Variants in GLIS3 observed in about 807,000 individuals in gnomAD.
GLIS3 encodes zinc finger protein GLIS3.
GLIS3 carries 53 observed loss-of-function variants against 78.6 expected under a neutral mutation model. That is an observed-to-expected ratio of 0.67 (90% CI 0.54 to 0.85). The LOEUF is 0.85. GLIS3 is among the 40% of genes least tolerant of loss of function. The probability of loss-of-function intolerance (pLI) is 0.00; values close to 1 mark genes in which losing one functional copy is unlikely to be tolerated. For missense variants in GLIS3, 1,703 were observed against 1,231.1 expected, an observed-to-expected ratio of 1.38 and a Z score of -5.74; for synonymous variants, 684 against 509.9, an observed-to-expected ratio of 1.34 and a Z score of -4.60.
At chr9:4,189,005 G>A (rs1818072996) in intron 2 of GLIS3, among the ~76,000 whole-genome samples, 2 of 151,946 alleles carry the variant, frequency 1.3e-5, no homozygotes, top group Admixed American at 6.6e-5. Context: ...CTTCAGTTCT[G>A]CTCTGATTTT....
At chr9:4,381,951 T>G in the GLIS3 span, among the ~76,000 whole-genome samples, 1 of 152,314 alleles carries the variant, frequency 6.6e-6, no homozygotes, top group Non-Finnish European at 1.5e-5. Context: ...TCCTTGGCAG[T>G]CCCAGCACAG....
chr9:4,232,158 G>T (rs370868722), intron 2 of GLIS3, among the ~76,000 whole-genome samples: 1 of 152,094 alleles, frequency 6.6e-6, no homozygotes, highest in South Asian at 2.1e-4. Flanking sequence ...TGGGAGGACT[G>T]CTTGAGGCCA....
intron 4 of GLIS3, among the ~76,000 whole-genome samples, chr9:4,088,309 C>G (rs143555940): frequency 6.6e-6 from 1 of 152,176 alleles, no homozygotes; most frequent in Non-Finnish European, 1.5e-5. Flanking sequence ...GTGGGTCTAG[C>G]CCAATCCTTG....
At chr9:3,908,257 GCT>G (rs1316217429) in intron 6 of GLIS3, among the ~76,000 whole-genome samples, 1 of 152,158 alleles carries the variant, frequency 6.6e-6, no homozygotes, top group Non-Finnish European at 1.5e-5. Context: ...TTGGTTGTTA[GCT>G]GCAATTTTAG....
chr9:3,917,175 A>G (rs1824567349), intron 6 of GLIS3, among the ~76,000 whole-genome samples: 1 of 152,250 alleles, frequency 6.6e-6, no homozygotes, highest in South Asian at 2.1e-4. Flanking sequence ...TGAGGTTTTC[A>G]CTACCACAAA....
chr9:4,025,137 C>A (rs770091970), intron 4 of GLIS3, among the ~76,000 whole-genome samples: 1 of 151,862 alleles, frequency 6.6e-6, no homozygotes, highest in African/African-American at 2.4e-5. Flanking sequence ...CTGTAATCCT[C>A]GCTACTCGGG....
At chr9:4,059,240 G>T (rs566269808) in intron 4 of GLIS3, among the ~76,000 whole-genome samples, 1 of 152,306 alleles carries the variant, frequency 6.6e-6, no homozygotes, top group African/African-American at 2.4e-5. Context: ...ATGCTAAGCT[G>T]TCAGTTTTCC....
intron 1 of GLIS3, among the ~76,000 whole-genome samples, chr9:4,297,942 G>T (rs1344375557): frequency 1.4e-5 from 2 of 139,440 alleles, no homozygotes; most frequent in Non-Finnish European, 3.1e-5. Context: ...CGGAGCTAGG[G>T]GCGGGTCCGG....
chr9:3,973,749 G>A (rs1481848553), intron 4 of GLIS3, among the ~76,000 whole-genome samples: 1 of 151,850 alleles, frequency 6.6e-6, no homozygotes, highest in East Asian at 1.9e-4. Context: ...AAACCAGAAG[G>A]CAACATCCCA....
intron 2 of GLIS3, among the ~76,000 whole-genome samples, chr9:4,184,520 C>G (rs1056191982): frequency 6.6e-6 from 1 of 152,232 alleles, no homozygotes; most frequent in East Asian, 1.9e-4. Flanking sequence ...GCCTAGTCCT[C>G]CGTCCCCTAA....
At chr9:4,403,713 C>T in the GLIS3 span, among the ~76,000 whole-genome samples, 1 of 151,548 alleles carries the variant, frequency 6.6e-6, no homozygotes, top group Non-Finnish European at 1.5e-5. Context: ...AAAACAAAAA[C>T]ATAACAAATA....
At chr9:4,365,006 A>T in the GLIS3 span, among the ~76,000 whole-genome samples, 1 of 152,138 alleles carries the variant, frequency 6.6e-6, no homozygotes, top group Non-Finnish European at 1.5e-5. Flanking sequence ...AGTGAAAAGA[A>T]ATTGGATATT....
chr9:4,089,162 G>A (rs1829288883), intron 4 of GLIS3, among the ~76,000 whole-genome samples: 1 of 152,158 alleles, frequency 6.6e-6, no homozygotes, highest in Admixed American at 6.5e-5. Flanking sequence ...AAATATTCAT[G>A]TCTGTCTCAA....
chr9:3,961,689 G>C (rs960863388), intron 4 of GLIS3, among the ~76,000 whole-genome samples: 4 of 152,128 alleles, frequency 2.6e-5, no homozygotes, highest in Non-Finnish European at 5.9e-5. Flanking sequence ...GGCAGGTTTA[G>C]TGAGTCTACA....
intron 2 of GLIS3, among the ~76,000 whole-genome samples, chr9:4,167,357 T>C (rs1815952680): frequency 6.6e-6 from 1 of 152,206 alleles, no homozygotes; most frequent in South Asian, 2.1e-4. Flanking sequence ...CCCATGTTCA[T>C]GAAAGGCTCA....
At chr9:4,032,681 C>T (rs1823947479) in intron 4 of GLIS3, among the ~76,000 whole-genome samples, 1 of 152,166 alleles carries the variant, frequency 6.6e-6, no homozygotes, top group Non-Finnish European at 1.5e-5. Flanking sequence ...CATGCTTCAA[C>T]ATTTTCCAGC....
At chr9:4,238,800 T>A (rs972084547) in intron 2 of GLIS3, among the ~76,000 whole-genome samples, 2 of 152,116 alleles carry the variant, frequency 1.3e-5, no homozygotes, top group Non-Finnish European at 2.9e-5. Flanking sequence ...CCCAAAGCAT[T>A]CCGTGAGTCA....
intron 4 of GLIS3, among the ~76,000 whole-genome samples, chr9:4,097,410 G>T (rs1020036205): frequency 6.6e-6 from 1 of 151,988 alleles, no homozygotes; most frequent in Non-Finnish European, 1.5e-5. Flanking sequence ...GTGCCCACCT[G>T]GGCAAGAAGG....
intron 5 of GLIS3, among the ~76,000 whole-genome samples, chr9:3,933,292 C>T (rs1430683283): frequency 6.6e-6 from 1 of 152,160 alleles, no homozygotes; most frequent in Non-Finnish European, 1.5e-5. Flanking sequence ...TCCCCTGCCT[C>T]AGCTTCCTGA....
Sources: gnomAD v4.1 joint callset for allele counts (sites outside exome capture counted in the v4.1 genomes callset) on GRCh38, gnomAD v4.1.1 for gene constraint, MANE v1.5 for transcripts, NCBI Gene and HGNC (gene_info 2026-07-23, HGNC 2026-07-21) for gene names.